Variants in TRPS1 observed in about 807,000 individuals in gnomAD.
TRPS1 encodes the protein zinc finger transcription factor Trps1.
TRPS1 carries 6 observed loss-of-function variants against 101.2 expected under a neutral mutation model. The ratio of observed to expected loss-of-function variants is 0.06; its 90% confidence interval spans 0.03 to 0.12. TRPS1 has a LOEUF of 0.12. TRPS1 is among the 10% of genes least tolerant of loss of function. TRPS1 has a pLI of 1.00. For synonymous variants in TRPS1, 578 were observed against 589.8 expected (o/e 0.98, Z 0.29); for missense variants, 1,363 against 1,567.0 (o/e 0.87, Z 2.20).
At chr8:115,486,717 C>T (rs977281610) in intron 5 of TRPS1, among the ~76,000 whole-genome samples, 1 of 152,226 alleles carries the variant, frequency 6.6e-6, no homozygotes, top group Non-Finnish European at 1.5e-5. Context: ...TAACCCAAAG[C>T]AAGGCCCTAA....
intron 5 of TRPS1, among the ~76,000 whole-genome samples, chr8:115,430,111 C>A (rs959204369): frequency 6.6e-6 from 1 of 152,132 alleles, no homozygotes; most frequent in African/African-American, 2.4e-5. Context: ...CCAAATGTAT[C>A]AAAACTACTC....
rs538739464 is a variant in TRPS1, at chr8:115,415,167, C to A, written c.2824-83G>T. 7.8e-3 allele frequency: 10,946 copies of A among 1,410,570 alleles called. 58 individuals carry two copies. Among genetic ancestry groups the A allele is most frequent in the Non-Finnish European group, 9.4e-3 (9,814 of 1,043,742 alleles). 87.4% of individuals were successfully genotyped at this position (1,410,570 alleles called of 1,614,324 possible). A position where few individuals can be genotyped will look rare whatever the true frequency, so the allele number is the denominator to read the frequency against. ...ATTAAAAATTCCTCACAAATATAAA[C>A]CATGCTTAAGTTCAAAGCAGGGATA... On this transcript the variant is annotated intron_variant, in intron 6 of 6. Coordinates refer to ENST00000395715, the MANE Select transcript of TRPS1 (RefSeq NM_014112.5).
At chr8:115,425,265 A>G (rs1036026543) in intron 5 of TRPS1, among the ~76,000 whole-genome samples, 25 of 152,230 alleles carry the variant, frequency 1.6e-4, no homozygotes, top group African/African-American at 6.0e-4. Context: ...GCTTTAAAAC[A>G]GTCCTCTTTG....
At chr8:115,651,555 A>C (rs376161104) in intron 1 of TRPS1, among the ~76,000 whole-genome samples, 1 of 152,204 alleles carries the variant, frequency 6.6e-6, no homozygotes, top group African/African-American at 2.4e-5. Flanking sequence ...CATCCAAGTC[A>C]TTTGTAAAGG....
intron 4 of TRPS1, among the ~76,000 whole-genome samples, chr8:115,589,983 G>A (rs1189423032): frequency 6.6e-6 from 1 of 152,112 alleles, no homozygotes; most frequent in East Asian, 1.9e-4. Flanking sequence ...TGGGTGTGGT[G>A]GCGGGAGCCT....
At chr8:115,563,408 G>T (rs904645898) in intron 5 of TRPS1, among the ~76,000 whole-genome samples, 1 of 151,972 alleles carries the variant, frequency 6.6e-6, no homozygotes, top group Non-Finnish European at 1.5e-5. Flanking sequence ...TCAGATTTAC[G>T]TCAAGGTTCA....
intron 3 of TRPS1, among the ~76,000 whole-genome samples, chr8:115,610,888 G>A (rs566156772): frequency 9.9e-5 from 15 of 152,112 alleles, no homozygotes; most frequent in South Asian, 2.1e-4. Flanking sequence ...AGGCCAAGGC[G>A]GGCGGATCAC....
At chr8:115,616,583 T>C (rs1416867309) in intron 3 of TRPS1, among the ~76,000 whole-genome samples, 4 of 152,052 alleles carry the variant, frequency 2.6e-5, no homozygotes, top group Non-Finnish European at 4.4e-5. Context: ...CCAACTGTTC[T>C]GAATGTTTTT....
chr8:115,521,311 G>A (rs1178405327), intron 5 of TRPS1, among the ~76,000 whole-genome samples: 3 of 151,808 alleles, frequency 2.0e-5, no homozygotes, highest in East Asian at 1.9e-4. Context: ...CTGGATGAGA[G>A]GCAACAGAGA....
At chr8:115,627,262 A>C (rs1237209297) in intron 1 of TRPS1, among the ~76,000 whole-genome samples, 3 of 151,784 alleles carry the variant, frequency 2.0e-5, no homozygotes. Context: ...TCACTGTGCA[A>C]ATTGAGAAAT....
intron 4 of TRPS1, among the ~76,000 whole-genome samples, chr8:115,593,403 T>C (rs553908810): frequency 6.6e-6 from 1 of 152,310 alleles, no homozygotes; most frequent in South Asian, 2.1e-4. Flanking sequence ...CATAAAAATA[T>C]TGAAGGCAAA....
chr8:115,640,746 T>A (rs1818876979), intron 1 of TRPS1, among the ~76,000 whole-genome samples: 1 of 152,200 alleles, frequency 6.6e-6, no homozygotes, highest in Admixed American at 6.5e-5. Context: ...TTGAAGGGCG[T>A]AGTCTATGTT....
At chr8:115,556,415 A>G (rs1339968187) in intron 5 of TRPS1, among the ~76,000 whole-genome samples, 1 of 152,132 alleles carries the variant, frequency 6.6e-6, no homozygotes, top group African/African-American at 2.4e-5. Flanking sequence ...TCCTCCATCC[A>G]AAGACTGACC....
chr8:115,585,430 T>C (rs1817541334), intron 5 of TRPS1, among the ~76,000 whole-genome samples: 1 of 152,034 alleles, frequency 6.6e-6, no homozygotes, highest in South Asian at 2.1e-4. Context: ...ATGTCATGGA[T>C]GAAACCAATT....
chr8:115,530,395 G>A (rs952487130), intron 5 of TRPS1, among the ~76,000 whole-genome samples: 1 of 152,098 alleles, frequency 6.6e-6, no homozygotes, highest in Non-Finnish European at 1.5e-5. Context: ...AAATAGGCCA[G>A]TAACCTAGGG....
At chr8:115,470,317 T>C (rs1476252946) in intron 5 of TRPS1, among the ~76,000 whole-genome samples, 1 of 152,240 alleles carries the variant, frequency 6.6e-6, no homozygotes, top group Admixed American at 6.5e-5. Context: ...CAAGATCTGA[T>C]AGCTATCAGA....
intron 5 of TRPS1, among the ~76,000 whole-genome samples, chr8:115,573,878 C>T (rs1198110754): frequency 6.6e-6 from 1 of 152,154 alleles, no homozygotes; most frequent in Non-Finnish European, 1.5e-5. Flanking sequence ...TTCATGCTGT[C>T]ATATTCACCT....
intron 5 of TRPS1, among the ~76,000 whole-genome samples, chr8:115,434,799 T>G (rs1813409551): frequency 6.6e-6 from 1 of 152,230 alleles, no homozygotes; most frequent in African/African-American, 2.4e-5. Context: ...GTCGAAATGT[T>G]CTTGGCTTTT....
intron 5 of TRPS1, among the ~76,000 whole-genome samples, chr8:115,482,470 A>T (rs1416271364): frequency 6.6e-6 from 1 of 152,212 alleles, no homozygotes; most frequent in Non-Finnish European, 1.5e-5. Context: ...AAATACTTAA[A>T]GTAAAAAATA....
Sources: allele counts gnomAD v4.1 joint callset (sites outside exome capture counted in the v4.1 genomes callset), GRCh38; gene constraint gnomAD v4.1.1; transcripts MANE v1.5; gene names NCBI Gene and HGNC (gene_info 2026-07-23, HGNC 2026-07-21).